Variants in NXPE2 observed in about 807,000 individuals in gnomAD.
The protein encoded by NXPE2 is neurexophilin and PC-esterase domain family member 2, also known as NXPE family member 2.
NXPE2 carries 34 observed loss-of-function variants against 34.4 expected under a neutral mutation model. The observed-to-expected ratio is 0.99, with a 90% CI of 0.75 to 1.31. NXPE2 has a LOEUF of 1.31. NXPE2 is among the 40% of genes most tolerant of loss of function. The pLI is 0.00. For synonymous variants in NXPE2, 235 were observed against 231.3 expected, an observed-to-expected ratio of 1.02 and a Z score of -0.15; for missense variants, 649 against 672.5, an observed-to-expected ratio of 0.97 and a Z score of 0.39.
the NXPE2 span, among the ~76,000 whole-genome samples, chr11:114,651,541 T>C: frequency 1.3e-5 from 2 of 152,208 alleles, no homozygotes; most frequent in African/African-American, 2.4e-5. Context: ...CCGAAAAGAT[T>C]GCCACTGCTG....
chr11:114,669,609 C>T, the NXPE2 span, among the ~76,000 whole-genome samples: 1 of 152,168 alleles, frequency 6.6e-6, no homozygotes, highest in South Asian at 2.1e-4. Context: ...ATTCTCACTT[C>T]AGCTCACTGG....
At chr11:114,468,417 G>A in the NXPE2 span, among the ~76,000 whole-genome samples, 5 of 152,200 alleles carry the variant, frequency 3.3e-5, no homozygotes, top group African/African-American at 1.2e-4. Flanking sequence ...CTTTTGCATG[G>A]TGCAGTGGCT....
At chr11:114,792,810 G>A in the NXPE2 span, among the ~76,000 whole-genome samples, 54 of 152,284 alleles carry the variant, frequency 3.5e-4, no homozygotes, top group African/African-American at 1.3e-3. Context: ...CTTTACGTAT[G>A]TTATCTCATT....
chr11:114,525,742 G>T, the NXPE2 span, among the ~76,000 whole-genome samples: 9 of 152,158 alleles, frequency 5.9e-5, no homozygotes, highest in Admixed American at 3.3e-4. Flanking sequence ...AAGCTTGCTT[G>T]CCCGCCCTGT....
chr11:114,582,511 T>A, the NXPE2 span: 8 of 1,613,994 alleles, frequency 5.0e-6, no homozygotes, highest in Non-Finnish European at 6.8e-6. Flanking sequence ...CCAGTGAAGA[T>A]CACCCTGTCA....
the NXPE2 span, among the ~76,000 whole-genome samples, chr11:114,603,835 G>A: frequency 1.3e-5 from 2 of 151,702 alleles, no homozygotes; most frequent in Non-Finnish European, 2.9e-5. Flanking sequence ...ATTAACTGGT[G>A]GATAATAAGT....
At chr11:114,765,086 T>C in the NXPE2 span, among the ~76,000 whole-genome samples, 2 of 152,332 alleles carry the variant, frequency 1.3e-5, no homozygotes, top group Non-Finnish European at 2.9e-5. Flanking sequence ...TTCCAATCTC[T>C]GTATCTCAGA....
chr11:114,783,545 T>C, the NXPE2 span, among the ~76,000 whole-genome samples: 1 of 152,176 alleles, frequency 6.6e-6, no homozygotes, highest in Non-Finnish European at 1.5e-5. Flanking sequence ...TTTCCTCCTC[T>C]GGAAGTTCTG....
chr11:114,758,483 T>C, the NXPE2 span, among the ~76,000 whole-genome samples: 1 of 152,198 alleles, frequency 6.6e-6, no homozygotes, highest in Non-Finnish European at 1.5e-5. Context: ...CATTGAGATA[T>C]GTTGATAGAC....
chr11:114,679,735 T>C lies in NXPE2; in HGVS notation c.105T>C (p.Ile35=), dbSNP rs1290539409. 1 of 1,550,114 alleles carries C rather than the reference T, an allele frequency of 6.5e-7. No homozygotes were observed. Among genetic ancestry groups the C allele is most frequent in the Non-Finnish European group, 8.7e-7 (1 of 1,145,696 alleles). The change falls in exon 2 of 6, where the codon ATT becomes ATC. Residue 35 remains isoleucine, a synonymous_variant. Transcript: ENST00000389586. ...CATTTATCTTAATTTTCTGGATCAT[T>C]TACTTGGCTTCAAAAGACCACACAA... is the stretch of plus-strand genomic sequence containing the variant. The part of the protein sequence containing the change: ...MLTFILIFWI[I]YLASKDHTKF...
the NXPE2 span, among the ~76,000 whole-genome samples, chr11:114,775,589 G>A: frequency 1.3e-4 from 20 of 152,190 alleles, no homozygotes; most frequent in Admixed American, 3.3e-4. Context: ...GGTGAATAGC[G>A]CCTGGCATGT....
the NXPE2 span, among the ~76,000 whole-genome samples, chr11:114,566,143 A>G: frequency 6.6e-5 from 10 of 152,200 alleles, no homozygotes; most frequent in Non-Finnish European, 1.3e-4. Context: ...TTAAGTAGGC[A>G]ATTAGATATG....
chr11:114,811,366 A>G, the NXPE2 span, among the ~76,000 whole-genome samples: 1 of 152,100 alleles, frequency 6.6e-6, no homozygotes, highest in African/African-American at 2.4e-5. Flanking sequence ...GCAAAAAAAG[A>G]GAAAGAAATG....
At chr11:114,505,456 A>ATCCTG in the NXPE2 span, among the ~76,000 whole-genome samples, 5 of 151,316 alleles carry the variant, frequency 3.3e-5, no homozygotes, top group African/African-American at 1.2e-4. Flanking sequence ...GACAGAAAAA[A>ATCCTG]TGTTAAAGGC....
the NXPE2 span, among the ~76,000 whole-genome samples, chr11:114,642,747 A>G: frequency 6.6e-6 from 1 of 152,078 alleles, no homozygotes; most frequent in African/African-American, 2.4e-5. Context: ...TCTTTATAGT[A>G]GAATGGTTTA....
At chr11:114,573,491 T>C in the NXPE2 span, among the ~76,000 whole-genome samples, 3 of 151,714 alleles carry the variant, frequency 2.0e-5, no homozygotes, top group Admixed American at 6.6e-5. Flanking sequence ...ACATAAGAAC[T>C]CACATAAACT....
At chr11:114,780,084 G>A in the NXPE2 span, among the ~76,000 whole-genome samples, 1 of 152,326 alleles carries the variant, frequency 6.6e-6, no homozygotes, top group East Asian at 1.9e-4. Flanking sequence ...CCCGTCAAGA[G>A]GCCACCAGTC....
the NXPE2 span, among the ~76,000 whole-genome samples, chr11:114,664,865 G>A: frequency 1.3e-5 from 2 of 152,156 alleles, no homozygotes; most frequent in Non-Finnish European, 2.9e-5. Context: ...ACTCTACAGT[G>A]TACTACTGGA....
At position 114,706,745 on chromosome 11, in the gene NXPE2, G is replaced by A; in HGVS notation, c.1495G>A (p.Ala499Thr). Residue 499 changes from alanine (A) to threonine (T), a missense_variant, in exon 6 of 6, where the codon GCA becomes ACA. Transcript: ENST00000389586. ...TENTREIEQN[A>T]EMFSDFHGYI... The stretch of plus-strand genomic sequence containing the variant: ...AAACACCAGAGAGATAGAACAAAAT[G>A]CAGAGATGTTCAGTGACTTTCATGG... 2 of 1,552,342 alleles carry A rather than the reference G, an allele frequency of 1.3e-6. No individual in the cohort carries two copies. Among genetic ancestry groups the A allele is most frequent in the Non-Finnish European group, 1.7e-6 (2 of 1,147,058 alleles).
Sources: gnomAD v4.1 joint callset for allele counts (sites outside exome capture counted in the v4.1 genomes callset) on GRCh38, gnomAD v4.1.1 for gene constraint, MANE v1.5 for transcripts, NCBI Gene and HGNC (gene_info 2026-07-23, HGNC 2026-07-21) for gene names.